USP43: variants seen among roughly 807,000 people sequenced by gnomAD.
USP43 encodes ubiquitin carboxyl-terminal hydrolase 43.
USP43 carries 33 observed loss-of-function variants against 90.7 expected under a neutral mutation model. The observed-to-expected ratio is 0.36, with a 90% confidence interval of 0.28 to 0.49. USP43 has a LOEUF of 0.49. Among genes scored for constraint, USP43 ranks in the 20% least tolerant of loss-of-function variants. The pLI, the probability that USP43 is intolerant of heterozygous loss-of-function variation, is 0.98. For missense variants in USP43, 1,274 were observed against 1,476.4 expected, an observed-to-expected ratio of 0.86 and a Z score of 2.25; for synonymous variants, 598 against 615.8, an observed-to-expected ratio of 0.97 and a Z score of 0.43.
rs1915534550 is a variant in USP43, at chr17:9,701,053, A to G, written c.1536-66A>G. 7.0e-7 allele frequency: 1 copy of G among 1,425,548 alleles called. No homozygotes were observed. The allele number at this position is 1,425,548 out of a possible 1,614,324, so 88.3% of individuals were successfully genotyped here. A position where few individuals can be genotyped will look rare whatever the true frequency, so the allele number is the denominator to read the frequency against. The stretch of plus-strand genomic sequence containing the variant: ...CTGCTGACGGGTTTGCTGTGAGTAG[A>G]GACATAGACGAAACCTGTCTGGGAG... On this transcript the variant is annotated intron_variant, in intron 10 of 14. Transcript: ENST00000285199. This position sits in a 1 kb window ranked among gnomAD's most constrained non-coding sequence, Gnocchi z 7.2.
At chr17:9,690,518 C>T (rs578172768) in intron 8 of USP43, among the ~76,000 whole-genome samples, 79 of 152,236 alleles carry the variant, frequency 5.2e-4, no homozygotes, top group African/African-American at 1.8e-3. Context: ...TGTATACTCC[C>T]GATTTTTTCA....
intron 5 of USP43, among the ~76,000 whole-genome samples, chr17:9,677,632 C>T (rs1471897093): frequency 6.6e-6 from 1 of 152,204 alleles, no homozygotes; most frequent in Non-Finnish European, 1.5e-5. Flanking sequence ...GGGAGCGGCC[C>T]TCAGGGTGAT....
chr17:9,720,310 A>G (rs1383240895), intron 14 of USP43, among the ~76,000 whole-genome samples: 1 of 129,196 alleles, frequency 7.7e-6, no homozygotes, highest in Non-Finnish European at 1.6e-5. Flanking sequence ...TGGGCGACAG[A>G]GACTCCATCT....
intron 4 of USP43, among the ~76,000 whole-genome samples, chr17:9,675,760 A>G (rs1344269403): frequency 6.6e-6 from 1 of 152,194 alleles, no homozygotes; most frequent in East Asian, 1.9e-4. Flanking sequence ...TGTGCTGCTG[A>G]TCTTCTGCAC....
intron 8 of USP43, 42 bp from the exon 9 acceptor site, chr17:9,693,085 T>G: frequency 1.3e-6 from 2 of 1,482,712 alleles, no homozygotes; most frequent in Non-Finnish European, 1.9e-6. Context: ...TAAATCAATA[T>G]AGGGGCTACG....
chr17:9,660,529 A>G (rs1381499454), intron 2 of USP43, among the ~76,000 whole-genome samples: 1 of 152,164 alleles, frequency 6.6e-6, no homozygotes, highest in African/African-American at 2.4e-5. Context: ...TCCCATTGCA[A>G]TATACTCCAC....
At chr17:9,725,002 T>C (rs1325042221) in intron 14 of USP43, among the ~76,000 whole-genome samples, 1 of 152,096 alleles carries the variant, frequency 6.6e-6, no homozygotes, top group Non-Finnish European at 1.5e-5. Flanking sequence ...GAGTATGGAT[T>C]GATGCATACT....
At chr17:9,714,919 G>T (rs1025572061) in intron 14 of USP43, among the ~76,000 whole-genome samples, 189 of 152,176 alleles carry the variant, frequency 1.2e-3, no homozygotes, top group African/African-American at 4.3e-3. Context: ...ATTCCATCAG[G>T]CTGGAAGGCC....
intron 5 of USP43, 107 bp from the exon 6 acceptor site, chr17:9,680,124 G>C: frequency 7.8e-7 from 1 of 1,276,838 alleles, no homozygotes; most frequent in Admixed American, 2.1e-5. Context: ...TAGCCAATTG[G>C]AAGGAAAAGG....
Position 9,706,864 on chromosome 17 carries a change from T to C in USP43, c.2012-3092T>C, listed in dbSNP as rs141163404. Among the ~76,000 whole-genome samples the C allele has an allele frequency of 7.1e-3, 1,076 of 151,996 alleles. 13 individuals carry two copies. Among genetic ancestry groups the C allele is most frequent in the African/African-American group, 0.025 (1,027 of 41,464 alleles). On this transcript the variant is annotated intron_variant, in intron 12 of 14. Transcript: ENST00000285199. Reference sequence around the variant, plus strand: ...TTCACTGTGTTAGCCAGGCTGGTCTTGAACTCCTGACCTCATGATCTGCCC... The same window carrying C: ...TTCACTGTGTTAGCCAGGCTGGTCTCGAACTCCTGACCTCATGATCTGCCC...
chr17:9,711,448 G>T (rs1483214662), intron 13 of USP43, among the ~76,000 whole-genome samples: 2 of 152,088 alleles, frequency 1.3e-5, no homozygotes, highest in African/African-American at 4.8e-5. Context: ...TATTTTTTGA[G>T]ACGGAGTTTC....
At chr17:9,678,648 GATTTATTTATGTCATCTT>G (rs1212857465) in intron 5 of USP43, among the ~76,000 whole-genome samples, 7 of 151,958 alleles carry the variant, frequency 4.6e-5, no homozygotes, top group Non-Finnish European at 1.0e-4. Flanking sequence ...CCTGTATTTG[GATTTATTTATGTCATCTT>G]ATTTATTTAT....
chr17:9,645,976 T>C lies in USP43; in HGVS notation c.344T>C (p.Val115Ala). 1 of 1,478,468 alleles carries C rather than the reference T, an allele frequency of 6.8e-7. No homozygotes were observed. The highest frequency in any genetic ancestry group is 1.3e-5 in the South Asian group (1 of 74,996). 91.6% of individuals were successfully genotyped at this position (1,478,468 alleles called of 1,614,324 possible). A position where few individuals can be genotyped will look rare whatever the true frequency, so the allele number is the denominator to read the frequency against. Residue 115 changes from valine (V) to alanine (A), a missense_variant, in exon 1 of 15, where the codon GTG becomes GCG. This residue lies in a region of USP43 where 259 missense variants were observed against 373.7 expected (regional missense o/e 0.69). Coordinates refer to ENST00000285199, the MANE Select transcript of USP43 (RefSeq NM_153210.5). The surrounding 1 kb of genome is among the most constrained non-coding windows in gnomAD (Gnocchi z 6.8). ...GGCAACACCTGTTTCATGAACGCGGTGGTGCAGTGTCTCAGCAACACCGAC... is the reference window on the plus strand; with the variant it reads ...GGCAACACCTGTTTCATGAACGCGGCGGTGCAGTGTCTCAGCAACACCGAC... Reference protein sequence around the residue: ...NHGNTCFMNAVVQCLSNTDLL... With the variant: ...NHGNTCFMNAAVQCLSNTDLL...
chr17:9,688,900 A>G (rs993350644), intron 8 of USP43, among the ~76,000 whole-genome samples: 4 of 151,864 alleles, frequency 2.6e-5, no homozygotes, highest in African/African-American at 9.7e-5. Flanking sequence ...TTTTGCCTAG[A>G]GTGATCTTGA....
intron 14 of USP43, among the ~76,000 whole-genome samples, chr17:9,719,019 T>G (rs966282149): frequency 1.3e-5 from 2 of 152,162 alleles, no homozygotes; most frequent in Non-Finnish European, 2.9e-5. Context: ...TCCCAGCTAC[T>G]CGGGAGGCTG....
chr17:9,707,646 CA>C (rs34253588), intron 12 of USP43, among the ~76,000 whole-genome samples: 271 of 87,040 alleles, frequency 3.1e-3, no homozygotes, highest in Middle Eastern at 6.2e-3. Context: ...GACTCTGTCT[CA>C]AAAAAAAAAA....
intron 14 of USP43, among the ~76,000 whole-genome samples, chr17:9,720,334 A>AG (rs1916872497): frequency 6.7e-6 from 1 of 148,760 alleles, no homozygotes; most frequent in East Asian, 2.0e-4. Context: ...AAAAAAAAAA[A>AG]AAAAAAGAAA....
At chr17:9,680,921 A>G (rs1307550243) in intron 6 of USP43, among the ~76,000 whole-genome samples, 3 of 149,752 alleles carry the variant, frequency 2.0e-5, no homozygotes, top group Non-Finnish European at 3.0e-5. Flanking sequence ...AACATGGTCA[A>G]TTTCTAACAG....
At chr17:9,671,373 A>G (rs541711733) in intron 3 of USP43, among the ~76,000 whole-genome samples, 1 of 152,274 alleles carries the variant, frequency 6.6e-6, no homozygotes, top group East Asian at 1.9e-4. Flanking sequence ...CTTCCTCAGA[A>G]CAGATCTTGG....
Sources: allele counts gnomAD v4.1 joint callset (sites outside exome capture counted in the v4.1 genomes callset), GRCh38; gene constraint gnomAD v4.1.1; regional missense constraint gnomAD v4.1.1; non-coding constraint Gnocchi (gnomAD v3.1); transcripts MANE v1.5; gene names NCBI Gene and HGNC (gene_info 2026-07-23, HGNC 2026-07-21).